TRANK1: variants seen among roughly 807,000 people sequenced by gnomAD.
The protein encoded by TRANK1 is tetratricopeptide repeat and ankyrin repeat containing 1, also known as TPR and ankyrin repeat-containing protein 1.
A neutral mutation model predicts 266.0 loss-of-function variants in TRANK1; 198 were observed. The ratio of observed to expected loss-of-function variants is 0.74; its 90% CI spans 0.66 to 0.84. The LOEUF (loss-of-function observed/expected upper bound fraction) is 0.84. Ranked by LOEUF, TRANK1 falls within the 40% of genes least tolerant of loss-of-function variation. TRANK1 has a pLI of 0.00. For missense variants in TRANK1, 3,326 were observed against 3,634.6 expected (o/e 0.92, Z 2.18); for synonymous variants, 1,396 against 1,384.1 (o/e 1.01, Z -0.19).
At chr3:36,853,024 G>A (rs945565114) in intron 13 of TRANK1, among the ~76,000 whole-genome samples, 1 of 152,162 alleles carries the variant, frequency 6.6e-6, no homozygotes, top group African/African-American at 2.4e-5. Context: ...TGTCAGAGCA[G>A]GAGAGAGGAT....
At chr3:36,888,847 A>AG (rs2079645585) in intron 8 of TRANK1, among the ~76,000 whole-genome samples, 1 of 152,186 alleles carries the variant, frequency 6.6e-6, no homozygotes, top group African/African-American at 2.4e-5. Flanking sequence ...ACTTGAGGTC[A>AG]GGAGTTCAAG....
rs1320141143 is a variant in TRANK1 at position 36,856,561 on chromosome 3, A to C, written c.3161T>G (p.Val1054Gly). ...GATCACCGCGTACTCAAGCTCACCC[A>C]CCCGGAAGGGGTACTCCACTGTGGC... ...TTATVEYPFR[V>G]GELEYAVIDL... Residue 1054 changes from valine (V) to glycine (G), a missense_variant, in exon 13 of 24, where the codon GTG (valine) becomes GGG (glycine). Coordinates refer to ENST00000645898, the MANE Select transcript of TRANK1 (RefSeq NM_001329998.2). 6.2e-7 allele frequency: 1 copy of C among 1,613,730 alleles called. No individual in the cohort carries two copies. Among genetic ancestry groups the C allele is most frequent in the African/African-American group, 1.3e-5 (1 of 74,878 alleles).
chr3:36,866,064 G>GAA (rs1191860525), intron 9 of TRANK1, among the ~76,000 whole-genome samples: 1 of 133,320 alleles, frequency 7.5e-6, no homozygotes, highest in East Asian at 2.2e-4. Context: ...AAGAAAGAAA[G>GAA]AAAGAAAGAA....
At chr3:36,936,211 G>A (rs1340440250) in intron 1 of TRANK1, among the ~76,000 whole-genome samples, 1 of 152,178 alleles carries the variant, frequency 6.6e-6, no homozygotes, top group Admixed American at 6.5e-5. Flanking sequence ...AGGGATAGGT[G>A]TGGTGGGCCA....
At chr3:36,866,837 G>C (rs1285563710) in intron 9 of TRANK1, among the ~76,000 whole-genome samples, 2 of 152,196 alleles carry the variant, frequency 1.3e-5, no homozygotes, top group Non-Finnish European at 1.5e-5. Flanking sequence ...AATCCAGACA[G>C]AGCTCTCCAA....
chr3:36,834,632 G>T (rs1160941452), intron 21 of TRANK1, 130 bp downstream of exon 21: 1 of 1,049,926 alleles, frequency 9.5e-7, no homozygotes, highest in Non-Finnish European at 1.4e-6. Flanking sequence ...TGAGGCCATC[G>T]CTTAAGTGGA....
chr3:36,866,067 A>AGAAAGAAAGAAAGAAC (rs1252570856), intron 9 of TRANK1, among the ~76,000 whole-genome samples: 1 of 141,220 alleles, frequency 7.1e-6, no homozygotes, highest in Non-Finnish European at 1.5e-5. Flanking sequence ...AAAGAAAGAA[A>AGAAAGAAAGAAAGAAC]GAAAGAAAGA....
chr3:36,879,920 GTAAA>G (rs2079487022), intron 8 of TRANK1, among the ~76,000 whole-genome samples: 1 of 27,428 alleles, frequency 3.6e-5, no homozygotes, highest in Non-Finnish European at 6.4e-5. Flanking sequence ...GCAAATATAT[GTAAA>G]CATGCAAATA....
intron 23 of TRANK1, 127 bp downstream of exon 23, chr3:36,829,437 C>A (rs527777536): frequency 6.1e-6 from 5 of 819,498 alleles, no homozygotes; most frequent in Non-Finnish European, 6.1e-6. Context: ...AGGTGATGCT[C>A]CTAGACAGTG....
intron 1 of TRANK1, among the ~76,000 whole-genome samples, chr3:36,918,649 G>GAA (rs2080172547): frequency 6.6e-6 from 1 of 150,576 alleles, no homozygotes; most frequent in African/African-American, 2.4e-5. Flanking sequence ...GAGAAAGAAA[G>GAA]AGAGAGAGAG....
At chr3:36,860,496 C>A (rs372678093) in intron 11 of TRANK1, among the ~76,000 whole-genome samples, 4 of 152,216 alleles carry the variant, frequency 2.6e-5, no homozygotes, top group Non-Finnish European at 5.9e-5. Context: ...GAATCCCAAT[C>A]TGTTGATCAG....
chr3:36,896,320 T>C (rs1163242712), intron 4 of TRANK1, among the ~76,000 whole-genome samples: 1 of 152,210 alleles, frequency 6.6e-6, no homozygotes, highest in Non-Finnish European at 1.5e-5. Context: ...CCTCCAACCA[T>C]ATTTCTCAAA....
intron 1 of TRANK1, among the ~76,000 whole-genome samples, chr3:36,943,514 A>G (rs112767393): frequency 6.4e-4 from 82 of 127,186 alleles, no homozygotes; most frequent in African/African-American, 2.3e-3. Context: ...GCAAAAGCCA[A>G]CAAAGAGCAT....
In TRANK1 at chr3:36,841,081, C is replaced by T. The variant is rs115526155; in HGVS notation, c.5280+1541G>A. 2.2e-3 allele frequency among the ~76,000 whole-genome samples: 330 copies of T among 152,324 alleles called. 2 individuals carry two copies. Among genetic ancestry groups the T allele is most frequent in the African/African-American group, 7.3e-3 (302 of 41,578 alleles). On this transcript the variant is annotated intron_variant, in intron 18 of 23. Transcript: ENST00000645898. ...GGCATGTCAGATCACAGATACCTCA[C>T]ACTGTGGCTTCTGTTAAGTCCTGAA...
chr3:36,920,454 C>A (rs1377024461), intron 1 of TRANK1, among the ~76,000 whole-genome samples: 1 of 152,176 alleles, frequency 6.6e-6, no homozygotes, highest in Admixed American at 6.5e-5. Context: ...ATCTCCCTGA[C>A]AGAAACTGGT....
chr3:36,861,290 T>C lies in TRANK1; in HGVS notation c.1241-130A>G, dbSNP rs1469599364. ...AACAAGTAGTTGATTATTTGGGCCA[T>C]GTTGCTTAACCACTCATGAACATCA... On this transcript the variant is annotated intron_variant, in intron 10 of 23. Transcript: ENST00000645898. The C allele has an allele frequency of 4.2e-6, 5 of 1,194,574 alleles. No individual in the cohort carries two copies. The African/African-American group carries it at 6.1e-5, about 15-fold the overall frequency. The allele number at this position is 1,194,574 out of a possible 1,614,324, so 74.0% of individuals were successfully genotyped here. A position where few individuals can be genotyped will look rare whatever the true frequency, so the allele number is the denominator to read the frequency against.
chr3:36,943,167 G>A (rs1208258702), intron 1 of TRANK1, among the ~76,000 whole-genome samples: 1 of 151,892 alleles, frequency 6.6e-6, no homozygotes, highest in Admixed American at 6.6e-5. Context: ...ACTCCAGCCT[G>A]GGTGACAGAG....
chr3:36,927,013 T>C (rs1190249415), intron 1 of TRANK1, among the ~76,000 whole-genome samples: 1 of 152,186 alleles, frequency 6.6e-6, no homozygotes, highest in East Asian at 1.9e-4. Flanking sequence ...AGAATACAAC[T>C]TCAAACCAAA....
chr3:36,872,155 C>G (rs2079318937), intron 9 of TRANK1, among the ~76,000 whole-genome samples: 1 of 152,170 alleles, frequency 6.6e-6, no homozygotes, highest in South Asian at 2.1e-4. Context: ...AATCCCAGCA[C>G]TTTGGGAGGC....
Sources: gnomAD v4.1 joint callset for allele counts (sites outside exome capture counted in the v4.1 genomes callset) on GRCh38, gnomAD v4.1.1 for gene constraint, MANE v1.5 for transcripts, NCBI Gene and HGNC (gene_info 2026-07-23, HGNC 2026-07-21) for gene names.